The following MERTK variants were observed in gnomAD, a reference collection of about 807,000 sequenced individuals.
MERTK encodes the protein tyrosine-protein kinase Mer.
A neutral mutation model predicts 99.3 loss-of-function variants in MERTK; 69 were observed. The ratio of observed to expected loss-of-function variants is 0.70; its 90% CI spans 0.57 to 0.85. The LOEUF (loss-of-function observed/expected upper bound fraction) is 0.85. MERTK is among the 40% of genes least tolerant of loss of function. The probability of loss-of-function intolerance (pLI) is 0.00; values close to 1 mark genes in which losing one functional copy is unlikely to be tolerated. For missense variants in MERTK, 1,125 were observed against 1,249.4 expected, an observed-to-expected ratio of 0.90 and a Z score of 1.50; for synonymous variants, 426 against 467.6, an observed-to-expected ratio of 0.91 and a Z score of 1.15.
At chr2:111,993,494 C>T (rs1676673644) in intron 8 of MERTK, among the ~76,000 whole-genome samples, 2 of 152,154 alleles carry the variant, frequency 1.3e-5, no homozygotes, top group Admixed American at 1.3e-4. Flanking sequence ...GAGATAAAGA[C>T]ATGTTCCTAG....
chr2:111,936,764 C>T lies in MERTK; in HGVS notation c.482+7224C>T, dbSNP rs182885018. On this transcript the variant is annotated intron_variant, in intron 2 of 18. Coordinates refer to ENST00000295408, the MANE Select transcript of MERTK (RefSeq NM_006343.3). ...GCCTCACCTGTATCCAATATCAGCT[C>T]GAAACTAGCATATCCGTTTGTCCAG... Among the ~76,000 whole-genome samples, 441 of 152,194 alleles carry T rather than the reference C, an allele frequency of 2.9e-3. 3 individuals are homozygous for T. The highest frequency in any genetic ancestry group is 6.4e-3 in the African/African-American group (267 of 41,502).
intron 1 of MERTK, among the ~76,000 whole-genome samples, chr2:111,923,173 G>A (rs1684497319): frequency 6.6e-6 from 1 of 152,184 alleles, no homozygotes; most frequent in Non-Finnish European, 1.5e-5. Context: ...GATGGGTTCA[G>A]ATGATGCCAC....
rs938855306 is a variant in MERTK, at chr2:111,929,657, G to T, written c.482+117G>T. On this transcript the variant is annotated intron_variant, in intron 2 of 18. Coordinates refer to ENST00000295408, the MANE Select transcript of MERTK (RefSeq NM_006343.3). ...GCTGGAGTGCAGTGGCACGATCTCAGCTCATTGCAACCTCCACCTCCTGAG... is the reference window on the plus strand; with the variant it reads ...GCTGGAGTGCAGTGGCACGATCTCATCTCATTGCAACCTCCACCTCCTGAG... 41 of 803,776 alleles carry T rather than the reference G, an allele frequency of 5.1e-5. No homozygotes were observed. The Middle Eastern group carries it at 1.3e-3, about 26-fold the overall frequency. The allele number at this position is 803,776 out of a possible 1,614,324, so 49.8% of individuals were successfully genotyped here.
intron 4 of MERTK, among the ~76,000 whole-genome samples, chr2:111,955,439 G>A (rs1177784369): frequency 6.6e-6 from 1 of 152,098 alleles, no homozygotes. Context: ...AGGTTTGGGG[G>A]TAGGATGTTC....
At chr2:111,985,937 A>G (rs1017189053) in intron 8 of MERTK, among the ~76,000 whole-genome samples, 1 of 152,212 alleles carries the variant, frequency 6.6e-6, no homozygotes, top group Non-Finnish European at 1.5e-5. Context: ...AACAGGGTGA[A>G]TGGGTGAGCA....
chr2:111,906,672 C>T (rs1481638173), intron 1 of MERTK, among the ~76,000 whole-genome samples: 3 of 152,200 alleles, frequency 2.0e-5, no homozygotes, highest in Non-Finnish European at 4.4e-5. Context: ...AGCCTTTAAG[C>T]CTTTTTACAA....
intron 4 of MERTK, among the ~76,000 whole-genome samples, chr2:111,953,405 G>A (rs1167932448): frequency 1.3e-5 from 2 of 152,170 alleles, no homozygotes; most frequent in Non-Finnish European, 2.9e-5. Flanking sequence ...TTTTCTTAGT[G>A]ACAGTATTTA....
At chr2:111,944,917 A>G in intron 2 of MERTK, 43 bp from the exon 3 acceptor site, 3 of 1,517,034 alleles carry the variant, frequency 2.0e-6, no homozygotes, top group Non-Finnish European at 2.7e-6. Context: ...TAGGAACTCA[A>G]AGGGTAGTCA....
chr2:112,019,573 C>G, intron 16 of MERTK, 51 bp downstream of exon 16: 1 of 1,382,778 alleles, frequency 7.2e-7, no homozygotes. Context: ...GGTGTTTGGT[C>G]TTTGCAGGGT....
intron 2 of MERTK, among the ~76,000 whole-genome samples, chr2:111,942,142 C>T (rs1684876419): frequency 6.6e-6 from 1 of 152,224 alleles, no homozygotes; most frequent in Non-Finnish European, 1.5e-5. Flanking sequence ...AGCCTGCTGC[C>T]ACTCCCGGGT....
chr2:111,920,672 G>A (rs1026780015), intron 1 of MERTK, among the ~76,000 whole-genome samples: 3 of 150,202 alleles, frequency 2.0e-5, no homozygotes, highest in East Asian at 2.0e-4. Flanking sequence ...TTTATTTTCC[G>A]AAACAGAGTC....
At chr2:111,904,462 C>T (rs1262516227) in intron 1 of MERTK, among the ~76,000 whole-genome samples, 10 of 151,942 alleles carry the variant, frequency 6.6e-5, no homozygotes, top group African/African-American at 1.4e-4. Flanking sequence ...CTGCAACCTC[C>T]GCCTCCTGGC....
At chr2:111,947,093 T>C (rs1331877311) in intron 3 of MERTK, among the ~76,000 whole-genome samples, 3 of 152,100 alleles carry the variant, frequency 2.0e-5, no homozygotes, top group Admixed American at 2.0e-4. Flanking sequence ...GCCAACATGG[T>C]GAAACCCCAT....
intron 15 of MERTK, among the ~76,000 whole-genome samples, chr2:112,019,198 G>C (rs1484492265): frequency 6.6e-6 from 1 of 152,178 alleles, no homozygotes; most frequent in Non-Finnish European, 1.5e-5. Context: ...ATGGGGAAAA[G>C]AGAATATGAT....
rs1262393075 is a variant in MERTK, at chr2:112,008,401, G to A, written c.1886G>A (p.Arg629Gln). ...KTMKLDNSSQ[R>Q]EIEEFLSEAA... The stretch of plus-strand genomic sequence containing the variant: ...CCTCTAGTGGACAACTCTTCACAGC[G>A]GGAGATCGAGGAGTTTCTCAGTGAG... Residue 629 changes from arginine to glutamine, a missense_variant, in exon 14 of 19, where the codon CGG becomes CAG. Physicochemically the swap from Arg to Gln is conservative, Grantham distance 43 (BLOSUM62 1). Transcript: ENST00000295408. 15 of 1,613,534 alleles carry A rather than the reference G, an allele frequency of 9.3e-6. No individual in the cohort carries two copies. The highest frequency in any genetic ancestry group is 8.3e-5 in the Admixed American group (5 of 59,972).
chr2:111,953,610 C>A (rs943467832), intron 4 of MERTK, among the ~76,000 whole-genome samples: 2 of 151,888 alleles, frequency 1.3e-5, no homozygotes, highest in African/African-American at 4.8e-5. Flanking sequence ...CAGTTTTGCT[C>A]TGTCGCCCAG....
chr2:111,928,216 C>CTTTTTTT (rs34872417), intron 1 of MERTK, among the ~76,000 whole-genome samples: 1 of 84,848 alleles, frequency 1.2e-5, no homozygotes, highest in Non-Finnish European at 2.2e-5. Flanking sequence ...CCATGAGCAG[C>CTTTTTTT]TTTTTTTTTT....
At position 111,940,755 on chromosome 2, in the gene MERTK, A is replaced by G. The variant is rs1200723185; in HGVS notation, c.483-4205A>G. 4.2e-5 allele frequency: 40 copies of G among 941,182 alleles called. 2 individuals are homozygous for G. Among genetic ancestry groups the G allele is most frequent in the East Asian group, 2.7e-4 (11 of 40,288 alleles). 58.3% of individuals were successfully genotyped at this position (941,182 alleles called of 1,614,324 possible). On this transcript the variant is annotated intron_variant, in intron 2 of 18. Transcript: ENST00000295408. Reference sequence around the variant, plus strand: ...CTAAGTCCTTGTATTTTTCAGCATTATCTCCATATTCAAATCTAACAGCTA... The same window carrying G: ...CTAAGTCCTTGTATTTTTCAGCATTGTCTCCATATTCAAATCTAACAGCTA...
chr2:111,958,657 G>A (rs1408938853), intron 4 of MERTK, among the ~76,000 whole-genome samples: 2 of 152,086 alleles, frequency 1.3e-5, no homozygotes, highest in African/African-American at 4.8e-5. Flanking sequence ...GCTATAGATT[G>A]TTTTTTTGAC....
Sources: gnomAD v4.1 joint callset for allele counts (sites outside exome capture counted in the v4.1 genomes callset) on GRCh38, gnomAD v4.1.1 for gene constraint, MANE v1.5 for transcripts, NCBI Gene and HGNC (gene_info 2026-07-23, HGNC 2026-07-21) for gene names.